The following FER1L5 variants were observed in gnomAD, a reference collection of about 807,000 sequenced individuals.
FER1L5 encodes the protein fer-1-like protein 5.
In FER1L5, 187 loss-of-function variants were observed where a neutral mutation model predicts 279.9. The observed-to-expected ratio is 0.67, with a 90% CI of 0.59 to 0.75. FER1L5 has a LOEUF of 0.75. FER1L5 is among the 30% of genes least tolerant of loss of function. The pLI, the probability that FER1L5 is intolerant of heterozygous loss-of-function variation, is 0.00. For synonymous variants in FER1L5, 921 were observed against 989.7 expected (o/e 0.93, Z 1.30); for missense variants, 2,091 against 2,594.4 (o/e 0.81, Z 4.21).
chr2:96,668,368 A>AG (rs1166642239), intron 14 of FER1L5, among the ~76,000 whole-genome samples: 1 of 152,038 alleles, frequency 6.6e-6, no homozygotes, highest in African/African-American at 2.4e-5. Context: ...CTACAAAAAA[A>AG]AAAAAATTGT....
At chr2:96,685,578 G>A in intron 21 of FER1L5, 149 bp downstream of exon 21, 2 of 724,112 alleles carry the variant, frequency 2.8e-6, no homozygotes, top group South Asian at 2.0e-5. Flanking sequence ...AACCCCAAGA[G>A]TCGCTTCTCC....
At position 96,674,221 on chromosome 2, in the gene FER1L5, T is replaced by TTTTTG. The variant is rs547420231; in HGVS notation, c.1669+983_1669+987dup. Reference sequence around the variant, plus strand: ...AGGCAACCACTAATCTTTCTTCTGTTTTTTGTTTTGTTTTGTTTTGAGACA... The same window carrying TTTTTG: ...AGGCAACCACTAATCTTTCTTCTGTTTTTTGTTTTGTTTTGTTTTGTTTTGAGACA... On this transcript the variant is annotated intron_variant, in intron 19 of 52. Coordinates refer to ENST00000624922, the MANE Select transcript of FER1L5 (RefSeq NM_001293083.2). Among the ~76,000 whole-genome samples the TTTTTG allele has an allele frequency of 2.6e-4, 40 of 152,174 alleles. 1 individual carries two copies. In the Middle Eastern group the frequency reaches 0.017, roughly 65 times the overall value.
At chr2:96,693,766 GT>G in intron 32 of FER1L5, 79 bp downstream of exon 32, 1 of 1,493,112 alleles carries the variant, frequency 6.7e-7, no homozygotes, top group East Asian at 2.5e-5. Flanking sequence ...AGATGAAAAT[GT>G]ATGGAAAGTG....
chr2:96,673,374 CA>C lies in FER1L5; in HGVS notation c.1669+121del, dbSNP rs375105078. On this transcript the variant is annotated intron_variant, in intron 19 of 52. Transcript: ENST00000624922. ...ATAGGCATTATTTACCTATATTTCA[CA>C]CATGAAAAAATGAGGTTCAGGGAGG... The C allele has an allele frequency of 2.5e-4, 283 of 1,141,960 alleles. No individual in the cohort carries two copies. In the African/African-American group the frequency reaches 4.1e-3, roughly 16 times the overall value. 70.7% of individuals were successfully genotyped at this position (1,141,960 alleles called of 1,614,324 possible). A position where few individuals can be genotyped will look rare whatever the true frequency, so the allele number is the denominator to read the frequency against.
chr2:96,646,553 G>C (rs776761351), intron 2 of FER1L5, 100 bp downstream of exon 2: 10 of 1,205,994 alleles, frequency 8.3e-6, no homozygotes, highest in Admixed American at 2.2e-5. Flanking sequence ...GGGAGAGGAC[G>C]TGCAACCTCA....
rs2077639057 is a variant in FER1L5 at position 96,702,810 on chromosome 2, C to A, written c.5397+69C>A. ...GACCCAGGCTCCTGGAGCTCCTCCC[C>A]CCACCCCTCCAGAGGCTTGCAATCT... On this transcript the variant is annotated intron_variant, in intron 48 of 52. Transcript: ENST00000624922. The surrounding 1 kb of genome is among the most constrained non-coding windows in gnomAD (Gnocchi z 4.0). 6.3e-7 allele frequency: 1 copy of A among 1,584,358 alleles called. No individual in the cohort carries two copies. Among genetic ancestry groups the A allele is most frequent in the African/African-American group, 1.3e-5 (1 of 74,250 alleles).
rs2075962365 is a variant in FER1L5, at chr2:96,661,750, A to G, written c.977A>G (p.Tyr326Cys). Residue 326 changes from tyrosine (Y) to cysteine (C), a missense_variant, in exon 12 of 53, where the codon TAC becomes TGC. Transcript: ENST00000624922. Reference protein sequence around the residue: ...KSAVVPINMAYLQLFIYCAED... With the variant: ...KSAVVPINMACLQLFIYCAED... ...GCGGTAGTCCCGATCAACATGGCTT[A>G]CTTACAGCTCTTCATCTACTGCGCA... The G allele has an allele frequency of 1.3e-6, 2 of 1,551,718 alleles. No homozygotes were observed. The highest frequency in any genetic ancestry group is 1.4e-5 in the African/African-American group (1 of 73,168).
intron 19 of FER1L5, among the ~76,000 whole-genome samples, chr2:96,680,215 A>G (rs1260661556): frequency 6.6e-6 from 1 of 151,686 alleles, no homozygotes; most frequent in African/African-American, 2.4e-5. Context: ...TTGCTTTTGT[A>G]AGTTCTCCAA....
chr2:96,694,209 G>T lies in FER1L5; in HGVS notation c.3636+137G>T. ...GATCCCGAGCTGTGGGCTTGGTGACGCTGGCCTGACCAGCCTCTCCCCTAA... is the reference window on the plus strand; with the variant it reads ...GATCCCGAGCTGTGGGCTTGGTGACTCTGGCCTGACCAGCCTCTCCCCTAA... On this transcript the variant is annotated intron_variant, in intron 33 of 52. Coordinates refer to ENST00000624922, the MANE Select transcript of FER1L5 (RefSeq NM_001293083.2). This position sits in a 1 kb window ranked among gnomAD's most constrained non-coding sequence, Gnocchi z 4.6. 1 of 1,357,656 alleles carries T rather than the reference G, an allele frequency of 7.4e-7. No individual in the cohort carries two copies. The allele number at this position is 1,357,656 out of a possible 1,614,324, so 84.1% of individuals were successfully genotyped here. A position where few individuals can be genotyped will look rare whatever the true frequency, so the allele number is the denominator to read the frequency against.
At chr2:96,649,766 C>G in intron 5 of FER1L5, 89 bp downstream of exon 5, 1 of 1,355,946 alleles carries the variant, frequency 7.4e-7, no homozygotes, top group South Asian at 1.3e-5. Context: ...CTTCAAAACC[C>G]AGCCCTTGAG....
chr2:96,653,185 G>A (rs2075454427), intron 7 of FER1L5: 1 of 187,138 alleles, frequency 5.3e-6, no homozygotes, highest in African/African-American at 2.4e-5. Flanking sequence ...CTCCAGCCTA[G>A]GTGACAGAGC....
At chr2:96,704,155 G>T (rs1490753382) in intron 51 of FER1L5, 60 bp from the exon 52 acceptor site, 1 of 1,590,980 alleles carries the variant, frequency 6.3e-7, no homozygotes, top group East Asian at 2.2e-5. Flanking sequence ...CTTTGCATCA[G>T]ATTACTTGAC....
In FER1L5 at chr2:96,692,209, C is replaced by G. The variant is rs556133759; in HGVS notation, c.3292+28C>G. ...AGGTGGCAGGCAGCCTTGTCCCCAG[C>G]TGAGGACAAGGCCTCAGGGAGGAGA... On this transcript the variant is annotated intron_variant, in intron 31 of 52. Coordinates refer to ENST00000624922, the MANE Select transcript of FER1L5 (RefSeq NM_001293083.2). 6 of 1,550,612 alleles carry G rather than the reference C, an allele frequency of 3.9e-6. No homozygotes were observed. The African/African-American group carries it at 6.8e-5, about 18-fold the overall frequency.
intron 36 of FER1L5, 39 bp downstream of exon 36, chr2:96,695,943 A>C (rs756320403): frequency 6.2e-7 from 1 of 1,609,734 alleles, no homozygotes. Flanking sequence ...AGGCCTCACA[A>C]GCGAGCCTGC....
intron 19 of FER1L5, among the ~76,000 whole-genome samples, chr2:96,675,453 A>T (rs1349844120): frequency 6.6e-6 from 1 of 152,098 alleles, no homozygotes; most frequent in Admixed American, 6.6e-5. Flanking sequence ...TTGAAATGGA[A>T]TCTTGTTCTG....
intron 24 of FER1L5, 111 bp downstream of exon 24, chr2:96,688,058 G>A (rs2076999909): frequency 1.4e-6 from 2 of 1,399,376 alleles, no homozygotes; most frequent in East Asian, 5.0e-5. Flanking sequence ...TGAGAAGGGA[G>A]GGTGTAGCTG....
In FER1L5 at chr2:96,687,901, A is replaced by G. The variant is rs1573925266; in HGVS notation, c.2315A>G (p.Asp772Gly). ...MWLGNVTDSK[D>G]LQLLRQGDTA... ...CTTGGCAATGTCACAGACAGCAAGG[A>G]CCTGCAGCTGCTCCGCCAGGGTGAC... is the stretch of plus-strand genomic sequence containing the variant. The change falls in exon 24 of 53, where the codon GAC (aspartate) becomes GGC (glycine). Residue 772 changes from aspartate (D) to glycine (G), a missense_variant. Transcript: ENST00000624922. 6.4e-7 allele frequency: 1 copy of G among 1,551,012 alleles called. No homozygotes were observed. Among genetic ancestry groups the G allele is most frequent in the Non-Finnish European group, 8.7e-7 (1 of 1,146,958 alleles).
chr2:96,677,499 G>C (rs937366005), intron 19 of FER1L5, among the ~76,000 whole-genome samples: 1 of 152,000 alleles, frequency 6.6e-6, no homozygotes, highest in Non-Finnish European at 1.5e-5. Flanking sequence ...GTATTCCATC[G>C]TATGGGTGTA....
Position 96,661,662 on chromosome 2 carries a change from C to A in FER1L5, c.895-6C>A, listed in dbSNP as rs1352813807. 4.5e-6 allele frequency: 7 copies of A among 1,551,612 alleles called. No individual in the cohort carries two copies. The East Asian group carries it at 1.7e-4, about 38-fold the overall frequency. ...CTTGACTATATCAGCTCTCTGGTCT[C>A]TCCAGATAGATCAAAAGCTGCTCTA... is the stretch of plus-strand genomic sequence containing the variant. On this transcript the variant is annotated splice_region_variant and splice_polypyrimidine_tract_variant and intron_variant, in intron 11 of 52. Transcript: ENST00000624922.
Sources: allele counts gnomAD v4.1 joint callset (sites outside exome capture counted in the v4.1 genomes callset), GRCh38; gene constraint gnomAD v4.1.1; non-coding constraint Gnocchi (gnomAD v3.1); transcripts MANE v1.5; gene names NCBI Gene and HGNC (gene_info 2026-07-23, HGNC 2026-07-21).